Variants in HEPH observed in about 807,000 individuals in gnomAD.
The protein encoded by HEPH is hephaestin.
A neutral mutation model predicts 80.8 loss-of-function variants in HEPH; 69 were observed. The observed-to-expected ratio is 0.85, with a 90% CI of 0.70 to 1.04. HEPH has a LOEUF of 1.04. Among genes scored for constraint, HEPH ranks in the 50% least tolerant of loss-of-function variants. HEPH has a pLI of 0.00. For missense variants in HEPH, 1,115 were observed against 891.3 expected (o/e 1.25, Z -3.20); for synonymous variants, 431 against 322.8 (o/e 1.34, Z -3.60).
chrX:66,165,111 C>T (rs1370831617), intron 1 of HEPH, among the ~76,000 whole-genome samples: 2 of 111,552 alleles, frequency 1.8e-5, no homozygotes, highest in Non-Finnish European at 3.8e-5. Context: ...ATCTATAACA[C>T]GTTCAGTTTT....
intron 15 of HEPH, among the ~76,000 whole-genome samples, chrX:66,230,670 A>T (rs1453160516): frequency 1.7e-4 from 17 of 100,927 alleles, no homozygotes; most frequent in Non-Finnish European, 2.6e-4. Context: ...TAGATTCTGG[A>T]TATTAGCCCT....
chrX:66,198,051 A>G (rs7891437), intron 10 of HEPH, among the ~76,000 whole-genome samples, 157 bp downstream of exon 10: 43,664 of 110,980 alleles, frequency 0.39, 9,652 homozygotes, highest in African/African-American at 0.86. Context: ...GTGACCTCAT[A>G]CTATCTTGCA....
chrX:66,177,547 G>C (rs1311916906), intron 4 of HEPH, among the ~76,000 whole-genome samples: 5 of 111,798 alleles, frequency 4.5e-5, no homozygotes, highest in South Asian at 3.7e-4. Flanking sequence ...TTGTATTTCT[G>C]TGGTGTCAGT....
At chrX:66,184,512 C>T (rs1189014234) in intron 4 of HEPH, among the ~76,000 whole-genome samples, 2 of 34,433 alleles carry the variant, frequency 5.8e-5, no homozygotes. Context: ...TTATCAGAGA[C>T]TAGGATTGCA....
intron 4 of HEPH, among the ~76,000 whole-genome samples, chrX:66,186,488 T>C (rs1206375529): frequency 8.9e-6 from 1 of 112,437 alleles, no homozygotes. Flanking sequence ...ATCACCCCTT[T>C]CTTTGACTCA....
At chrX:66,175,700 T>C (rs777422409) in intron 4 of HEPH, among the ~76,000 whole-genome samples, 1 of 111,401 alleles carries the variant, frequency 9.0e-6, no homozygotes, top group African/African-American at 3.3e-5. Flanking sequence ...TGTTTTGTAG[T>C]TCTCCTTGTA....
At chrX:66,166,372 T>C (rs1364353189) in intron 1 of HEPH, among the ~76,000 whole-genome samples, 2 of 110,436 alleles carry the variant, frequency 1.8e-5, no homozygotes, top group Non-Finnish European at 3.8e-5. Context: ...TTTTTGTATT[T>C]TTAATAGAGA....
Position 66,188,441 on chromosome X carries a change from C to T in HEPH, c.708C>T (p.Asn236=). ...TCCTCTTCAGTGTGGTAGATGAGAA[C>T]CTCAGCTGGCATCTCAATGAGAACA... ...FFLLFSVVDE[N]LSWHLNENIA... Residue 236 remains asparagine (N), a synonymous_variant, in exon 5 of 21, where the codon AAC becomes AAT. Coordinates refer to ENST00000343002, the MANE Select transcript of HEPH (RefSeq NM_001367233.3). 2 of 1,205,606 alleles carry T rather than the reference C, an allele frequency of 1.7e-6. No homozygotes were observed. The highest frequency in any genetic ancestry group is 2.2e-6 in the Non-Finnish European group (2 of 890,928).
At chrX:66,234,166 G>A (rs2090266075) in intron 15 of HEPH, among the ~76,000 whole-genome samples, 1 of 110,933 alleles carries the variant, frequency 9.0e-6, no homozygotes, top group Admixed American at 9.6e-5. Flanking sequence ...GCAGTATTTG[G>A]TTTTCTGTTC....
chrX:66,179,201 G>A (rs2086971116), intron 4 of HEPH, among the ~76,000 whole-genome samples: 1 of 111,991 alleles, frequency 8.9e-6, no homozygotes, highest in Non-Finnish European at 1.9e-5. Context: ...ATTAAACAGG[G>A]AATCCTTTCG....
At chrX:66,205,316 G>T (rs2088704817) in intron 13 of HEPH, among the ~76,000 whole-genome samples, 1 of 111,537 alleles carries the variant, frequency 9.0e-6, no homozygotes, top group Non-Finnish European at 1.9e-5. Context: ...TGTACCCAAT[G>T]CATAGCTACC....
At chrX:66,244,955 ATAT>A (rs918686251) in intron 15 of HEPH, among the ~76,000 whole-genome samples, 2 of 110,235 alleles carry the variant, frequency 1.8e-5, no homozygotes, top group African/African-American at 6.6e-5. Context: ...TCATTTATAC[ATAT>A]TATTAAAGCA....
chrX:66,244,864 G>C (rs1461529401), intron 15 of HEPH, among the ~76,000 whole-genome samples: 1 of 106,220 alleles, frequency 9.4e-6, no homozygotes, highest in African/African-American at 3.5e-5. Context: ...TTGGGGATTT[G>C]ATTGTGGTGC....
intron 15 of HEPH, among the ~76,000 whole-genome samples, chrX:66,209,327 A>G (rs2088982954): frequency 8.9e-6 from 1 of 112,389 alleles, no homozygotes; most frequent in Non-Finnish European, 1.9e-5. Flanking sequence ...TATCAGGATC[A>G]CCTAGAGGCT....
chrX:66,208,167 T>C lies in HEPH; in HGVS notation c.2484T>C (p.Asn828=). The C allele has an allele frequency of 8.3e-7, 1 of 1,204,828 alleles. No individual in the cohort carries two copies. The highest frequency in any genetic ancestry group is 1.1e-6 in the Non-Finnish European group (1 of 889,848). ...VGDILTVVFK[N]NASRPYSVHA... ...ATATCCTGACTGTGGTATTCAAGAA[T>C]AATGCCAGCCGCCCCTACTCTGTGC... The change falls in exon 15 of 21, where the codon AAT becomes AAC. Residue 828 remains asparagine, a synonymous_variant. Coordinates refer to ENST00000343002, the MANE Select transcript of HEPH (RefSeq NM_001367233.3).
At chrX:66,233,442 T>C (rs904492893) in intron 15 of HEPH, among the ~76,000 whole-genome samples, 1 of 111,548 alleles carries the variant, frequency 9.0e-6, no homozygotes, top group Non-Finnish European at 1.9e-5. Context: ...CTGAGAGTGT[T>C]GCTCTTTGTG....
At chrX:66,211,416 A>G (rs2089108676) in intron 15 of HEPH, among the ~76,000 whole-genome samples, 1 of 111,598 alleles carries the variant, frequency 9.0e-6, no homozygotes, top group Non-Finnish European at 1.9e-5. Flanking sequence ...ATCTGCTATC[A>G]AACATTGAAT....
chrX:66,180,768 A>G (rs1197653722), intron 4 of HEPH, among the ~76,000 whole-genome samples: 82 of 90,219 alleles, frequency 9.1e-4, no homozygotes, highest in African/African-American at 2.9e-3. Context: ...ACATATGTAT[A>G]CATGTGCCAT....
Position 66,266,306 on chromosome X carries a change from A to G in HEPH, c.3245-134A>G, listed in dbSNP as rs2091533926. 13 of 461,749 alleles carry G rather than the reference A, an allele frequency of 2.8e-5. No individual in the cohort carries two copies. The South Asian group carries it at 3.8e-4, about 13-fold the overall frequency. The allele number at this position is 461,749 out of a possible 1,213,427, so 38.1% of individuals were successfully genotyped here. On this transcript the variant is annotated intron_variant, in intron 20 of 20. Coordinates refer to ENST00000343002, the MANE Select transcript of HEPH (RefSeq NM_001367233.3). The stretch of plus-strand genomic sequence containing the variant: ...ACCTCTAAATCTGTCTTCATCAGCT[A>G]GTTTTGTGAAGGATAAGGACAGGCC...
Sources: gnomAD v4.1 joint callset for allele counts (sites outside exome capture counted in the v4.1 genomes callset) on GRCh38, gnomAD v4.1.1 for gene constraint, MANE v1.5 for transcripts, NCBI Gene and HGNC (gene_info 2026-07-23, HGNC 2026-07-21) for gene names.